CDC5L: variants seen among roughly 807,000 people sequenced by gnomAD.
The protein encoded by CDC5L is cell division cycle 5-like protein.
CDC5L carries 18 observed loss-of-function variants against 104.1 expected under a neutral mutation model. The ratio of observed to expected loss-of-function variants is 0.17; its 90% CI spans 0.12 to 0.26. The LOEUF (loss-of-function observed/expected upper bound fraction) is 0.26, where lower values mean the gene tolerates loss of function less well. Ranked by LOEUF, CDC5L falls within the 10% of genes least tolerant of loss-of-function variation. CDC5L has a pLI of 1.00. For synonymous variants in CDC5L, 331 were observed against 322.7 expected (o/e 1.03, Z -0.28); for missense variants, 673 against 956.9 (o/e 0.70, Z 3.91).
chr6:44,441,976 C>T (rs1363934888), intron 14 of CDC5L, among the ~76,000 whole-genome samples: 3 of 122,946 alleles, frequency 2.4e-5, no homozygotes, highest in South Asian at 2.8e-4. Flanking sequence ...CTCCTTCTGT[C>T]GCCAGGCTGG....
chr6:44,428,923 C>T (rs1270322377), intron 13 of CDC5L, among the ~76,000 whole-genome samples: 2 of 151,976 alleles, frequency 1.3e-5, no homozygotes, highest in African/African-American at 4.8e-5. Flanking sequence ...AAGGGGCACA[C>T]CCAGTGGTGC....
Position 44,418,459 on chromosome 6 carries a change from G to A in CDC5L, c.1093-990G>A, listed in dbSNP as rs548014121. ...GTGAATAGTGCCACAGTAAACATACGTGTGCATGTGTCTTTATAGCAGCAT... is the reference window on the plus strand; with the variant it reads ...GTGAATAGTGCCACAGTAAACATACATGTGCATGTGTCTTTATAGCAGCAT... On this transcript the variant is annotated intron_variant, in intron 8 of 15. Coordinates refer to ENST00000371477, the MANE Select transcript of CDC5L (RefSeq NM_001253.4). Among the ~76,000 whole-genome samples the A allele has an allele frequency of 7.9e-5, 12 of 152,236 alleles. No homozygotes were observed. The East Asian group carries it at 9.7e-4, about 12-fold the overall frequency.
At chr6:44,407,528 T>C (rs909581150) in intron 7 of CDC5L, among the ~76,000 whole-genome samples, 2 of 152,226 alleles carry the variant, frequency 1.3e-5, no homozygotes, top group Admixed American at 1.3e-4. Context: ...GGTTTCACCA[T>C]GTTGGCCAGG....
chr6:44,440,154 A>C (rs576944244), intron 14 of CDC5L, among the ~76,000 whole-genome samples: 1 of 152,190 alleles, frequency 6.6e-6, no homozygotes, highest in Non-Finnish European at 1.5e-5. Context: ...TCTTCATTTA[A>C]ATTAATTTTA....
intron 14 of CDC5L, among the ~76,000 whole-genome samples, chr6:44,438,665 CTTTTT>C (rs749816182): frequency 3.4e-4 from 36 of 106,284 alleles, no homozygotes; most frequent in African/African-American, 1.1e-3. Context: ...GAAGTTTTGT[CTTTTT>C]TTTTTTTTTT....
intron 6 of CDC5L, among the ~76,000 whole-genome samples, chr6:44,405,619 T>G (rs1277125905): frequency 6.6e-6 from 1 of 152,208 alleles, no homozygotes; most frequent in Admixed American, 6.5e-5. Flanking sequence ...TGTTTTAATT[T>G]TATTTCTTTC....
At chr6:44,416,257 T>C (rs1791903384) in intron 8 of CDC5L, among the ~76,000 whole-genome samples, 1 of 152,128 alleles carries the variant, frequency 6.6e-6, no homozygotes, top group South Asian at 2.1e-4. Flanking sequence ...TGTTAAAGAT[T>C]GGAGAAAGGT....
At chr6:44,429,080 G>A (rs1792558501) in intron 13 of CDC5L, among the ~76,000 whole-genome samples, 1 of 143,176 alleles carries the variant, frequency 7.0e-6, no homozygotes, top group South Asian at 2.2e-4. Context: ...GGGGTGCAGT[G>A]GCACGATCCC....
chr6:44,394,272 TGAG>T (rs1289009576), intron 4 of CDC5L, among the ~76,000 whole-genome samples: 3 of 151,936 alleles, frequency 2.0e-5, no homozygotes, highest in African/African-American at 7.3e-5. Context: ...TCTTTAAAAC[TGAG>T]TAGTGTAATT....
At chr6:44,414,382 CTGTGTGTGTGTGTGTGTGTGTG>C (rs58800666) in intron 8 of CDC5L, among the ~76,000 whole-genome samples, 1,656 of 130,030 alleles carry the variant, frequency 0.013, 16 homozygotes, top group Middle Eastern at 0.056. Context: ...CTGGCCTGGC[CTGTGTGTGTGTGTGTGTGTGTG>C]TGTGTGTGTG....
At chr6:44,424,679 C>G in intron 11 of CDC5L, 96 bp downstream of exon 11, 1 of 1,143,378 alleles carries the variant, frequency 8.7e-7, no homozygotes, top group Non-Finnish European at 1.2e-6. Flanking sequence ...AGATCTCTAC[C>G]TAGTCCTTTT....
Position 44,405,764 on chromosome 6 carries a change from A to G in CDC5L, c.759-559A>G, listed in dbSNP as rs181319121. Reference sequence around the variant, plus strand: ...TGTTTATCACAATCTTCATACTTACATGTTTTAATATTTAGTACTTCAATT... The same window carrying G: ...TGTTTATCACAATCTTCATACTTACGTGTTTTAATATTTAGTACTTCAATT... On this transcript the variant is annotated intron_variant, in intron 6 of 15. Transcript: ENST00000371477. Among the ~76,000 whole-genome samples the G allele has an allele frequency of 4.6e-4, 70 of 152,286 alleles. No homozygotes were observed. In the East Asian group the frequency reaches 9.6e-3, roughly 21 times the overall value.
intron 14 of CDC5L, among the ~76,000 whole-genome samples, chr6:44,439,318 G>A (rs967421288): frequency 1.3e-5 from 2 of 152,104 alleles, no homozygotes; most frequent in African/African-American, 4.8e-5. Context: ...ATGAACATTC[G>A]TGTACAGGTT....
At chr6:44,388,109 A>T (rs1408357377) in intron 1 of CDC5L, among the ~76,000 whole-genome samples, 4 of 147,012 alleles carry the variant, frequency 2.7e-5, no homozygotes, top group African/African-American at 1.0e-4. Flanking sequence ...TTAGGCCCTG[A>T]GTGAACATTT....
chr6:44,388,014 G>T (rs1355166221), intron 1 of CDC5L, 146 bp downstream of exon 1: 4 of 685,826 alleles, frequency 5.8e-6, no homozygotes, highest in East Asian at 2.8e-5. Flanking sequence ...GGCCCTTTCC[G>T]TGTGTCTGGC....
intron 14 of CDC5L, among the ~76,000 whole-genome samples, chr6:44,442,548 CTTAATT>C (rs1793251066): frequency 6.6e-6 from 1 of 152,124 alleles, no homozygotes. Flanking sequence ...TTGATAACAA[CTTAATT>C]TTAATTGCAT....
At chr6:44,401,715 A>G (rs1791134905) in intron 5 of CDC5L, among the ~76,000 whole-genome samples, 1 of 151,558 alleles carries the variant, frequency 6.6e-6, no homozygotes, top group Non-Finnish European at 1.5e-5. Flanking sequence ...CAGGTTAGTT[A>G]CATATGTATA....
rs6923521 is a variant in CDC5L at position 44,419,780 on chromosome 6, C to G, written c.1241+183C>G. 0.71 allele frequency among the ~76,000 whole-genome samples: 108,020 copies of G among 152,036 alleles called. 40,189 individuals are homozygous for G. Among genetic ancestry groups the G allele is most frequent in the Non-Finnish European group, 0.85 (57,628 of 67,990 alleles). On this transcript the variant is annotated intron_variant, in intron 9 of 15. Transcript: ENST00000371477. ...GTTAAATACTGTGGAGTGCCTCCCCCCCTTTCTTTAAGATGGAGTCTCGCT... is the reference window on the plus strand; with the variant it reads ...GTTAAATACTGTGGAGTGCCTCCCCGCCTTTCTTTAAGATGGAGTCTCGCT...
At chr6:44,406,829 C>T (rs1442334389) in intron 7 of CDC5L, among the ~76,000 whole-genome samples, 1 of 152,130 alleles carries the variant, frequency 6.6e-6, no homozygotes, top group Non-Finnish European at 1.5e-5. Context: ...AGGAGAATCA[C>T]TGGAACCCGG....
Sources: allele counts gnomAD v4.1 joint callset (sites outside exome capture counted in the v4.1 genomes callset), GRCh38; gene constraint gnomAD v4.1.1; transcripts MANE v1.5; gene names NCBI Gene and HGNC (gene_info 2026-07-23, HGNC 2026-07-21).